SHISA9: variants seen among roughly 807,000 people sequenced by gnomAD.
SHISA9 encodes the protein shisa family member 9, also known as protein shisa-9.
A neutral mutation model predicts 38.0 loss-of-function variants in SHISA9; 13 were observed. The observed-to-expected ratio is 0.34, with a 90% CI of 0.22 to 0.54. SHISA9 has a LOEUF of 0.54. Among genes scored for constraint, SHISA9 ranks in the 20% least tolerant of loss-of-function variants. The probability of loss-of-function intolerance (pLI) is 0.91; values close to 1 mark genes in which losing one functional copy is unlikely to be tolerated. For synonymous variants in SHISA9, 275 were observed against 242.0 expected, an observed-to-expected ratio of 1.14 and a Z score of -1.27; for missense variants, 538 against 575.8, an observed-to-expected ratio of 0.93 and a Z score of 0.67.
At chr16:13,365,564 C>T in the SHISA9 span, among the ~76,000 whole-genome samples, 1 of 146,818 alleles carries the variant, frequency 6.8e-6, no homozygotes, top group East Asian at 2.1e-4. Flanking sequence ...TCAAGCTATT[C>T]TCCTGCCTCA....
At chr16:12,978,013 A>G (rs2072187892) in intron 2 of SHISA9, among the ~76,000 whole-genome samples, 1 of 152,112 alleles carries the variant, frequency 6.6e-6, no homozygotes, top group African/African-American at 2.4e-5. Context: ...AAAAAGAATG[A>G]GAAGTGAAGT....
rs200291008 is a variant in SHISA9 at position 13,035,281 on chromosome 16, G to GTAA, written c.691+118467_691+118469dup. Among the ~76,000 whole-genome samples, 716 of 152,224 alleles carry GTAA rather than the reference G, an allele frequency of 4.7e-3. 2 individuals are homozygous for GTAA. Among genetic ancestry groups the GTAA allele is most frequent in the Non-Finnish European group, 7.1e-3 (486 of 68,026 alleles). On this transcript the variant is annotated intron_variant, in intron 2 of 4. Transcript: ENST00000558583. ...GTTGCACTAGCTCTATTTTTTGTAGGTAACTGTGAGAATGATGGAGATTAA... is the reference window on the plus strand; with the variant it reads ...GTTGCACTAGCTCTATTTTTTGTAGGTAATAACTGTGAGAATGATGGAGATTAA...
the SHISA9 span, among the ~76,000 whole-genome samples, chr16:13,479,981 A>G: frequency 6.6e-6 from 1 of 152,182 alleles, no homozygotes; most frequent in African/African-American, 2.4e-5. Flanking sequence ...TTGGCCACTT[A>G]CTAGCTGCAT....
chr16:12,922,098 T>G (rs1263585319), intron 2 of SHISA9, among the ~76,000 whole-genome samples: 3 of 152,228 alleles, frequency 2.0e-5, no homozygotes, highest in Non-Finnish European at 2.9e-5. Flanking sequence ...ACCACTACAT[T>G]CTATTGCCTT....
At chr16:13,243,320 G>A (rs2051448779), downstream of SHISA9, among the ~76,000 whole-genome samples, 2 of 152,202 alleles carry the variant, frequency 1.3e-5, no homozygotes, top group South Asian at 4.1e-4. Context: ...AAGTCCTGAT[G>A]ACATGTGCCC....
intron 1 of SHISA9, chr16:12,911,397 G>T (rs2071181490): frequency 1.0e-6 from 1 of 985,128 alleles, no homozygotes; most frequent in African/African-American, 1.7e-5. Flanking sequence ...TCTATAAAAT[G>T]TTTTTTTGTA....
intron 2 of SHISA9, among the ~76,000 whole-genome samples, chr16:12,965,489 C>T (rs1225226619): frequency 1.3e-5 from 2 of 152,164 alleles, no homozygotes; most frequent in Non-Finnish European, 2.9e-5. Flanking sequence ...GGCACTCTAC[C>T]AGTTCTGGAG....
chr16:12,935,854 G>A (rs76434425), intron 2 of SHISA9, among the ~76,000 whole-genome samples: 497 of 134,838 alleles, frequency 3.7e-3, no homozygotes, highest in Middle Eastern at 0.019. Context: ...GTCTCAAAAA[G>A]AAAAAAAAAA....
chr16:13,328,119 C>A, the SHISA9 span, among the ~76,000 whole-genome samples: 6 of 152,168 alleles, frequency 3.9e-5, no homozygotes, highest in Admixed American at 3.3e-4. Flanking sequence ...ATTTCCCATT[C>A]CCCCTCCTCT....
rs2071692938 is a variant in SHISA9 at position 12,946,723 on chromosome 16, T to A, written c.691+29908T>A. Among the ~76,000 whole-genome samples the A allele has an allele frequency of 1.3e-5, 2 of 152,238 alleles. 1 individual carries two copies. The highest frequency in any genetic ancestry group is 4.1e-4 in the South Asian group (2 of 4,834). ...AATTTCCTAGAAGAGACATTCTCAA[T>A]AGCCATGGCGGAGAAGGGGGCAGCT... On this transcript the variant is annotated intron_variant, in intron 2 of 4. Transcript: ENST00000558583.
chr16:13,158,473 T>C (rs2050566084), intron 2 of SHISA9, among the ~76,000 whole-genome samples: 1 of 152,174 alleles, frequency 6.6e-6, no homozygotes, highest in Non-Finnish European at 1.5e-5. Flanking sequence ...ACAAAAGCTG[T>C]CCTGGGAGGA....
chr16:12,908,651 A>C, intron 1 of SHISA9: 2 of 1,548,204 alleles, frequency 1.3e-6, no homozygotes, highest in Non-Finnish European at 1.7e-6. Flanking sequence ...CAGACTTCTC[A>C]GATCACAGAG....
chr16:12,954,899 A>G lies in SHISA9; in HGVS notation c.691+38084A>G, dbSNP rs140335388. 1.6e-3 allele frequency among the ~76,000 whole-genome samples: 250 copies of G among 152,280 alleles called. 4 individuals carry two copies. The East Asian group carries it at 0.028, about 17-fold the overall frequency. The stretch of plus-strand genomic sequence containing the variant: ...TGTGTTATTTCCATATCCAGAGGGC[A>G]CAGCATGCATAAATGCATTTATTGG... On this transcript the variant is annotated intron_variant, in intron 2 of 4. Transcript: ENST00000558583.
intron 2 of SHISA9, among the ~76,000 whole-genome samples, chr16:13,122,875 C>T (rs1254161633): frequency 6.6e-6 from 1 of 152,120 alleles, no homozygotes. Context: ...GGCAAAACCT[C>T]ATCCCAACTA....
At chr16:13,292,272 A>G in the SHISA9 span, among the ~76,000 whole-genome samples, 2 of 152,088 alleles carry the variant, frequency 1.3e-5, no homozygotes, top group East Asian at 3.9e-4. Flanking sequence ...TTGCTTTTAA[A>G]CCAGGCCACT....
the SHISA9 span, among the ~76,000 whole-genome samples, chr16:13,444,885 T>G: frequency 6.7e-6 from 1 of 150,096 alleles, no homozygotes; most frequent in South Asian, 2.2e-4. Flanking sequence ...TGGTGCAACC[T>G]CAGCTCACTG....
At chr16:13,458,961 A>C in the SHISA9 span, among the ~76,000 whole-genome samples, 3 of 151,330 alleles carry the variant, frequency 2.0e-5, no homozygotes, top group Non-Finnish European at 2.9e-5. Context: ...TGCGCTTCTC[A>C]GGTTCCAGAG....
At position 12,997,976 on chromosome 16, in the gene SHISA9, T is replaced by C. The variant is rs74012226; in HGVS notation, c.691+81161T>C. Reference sequence around the variant, plus strand: ...ACGGCGTGTAATAGGATAGAATGCATTGTGTTTGATTATGTCTCTTCCTTT... The same window carrying C: ...ACGGCGTGTAATAGGATAGAATGCACTGTGTTTGATTATGTCTCTTCCTTT... On this transcript the variant is annotated intron_variant, in intron 2 of 4. Coordinates refer to ENST00000558583, the MANE Select transcript of SHISA9 (RefSeq NM_001145204.3). Among the ~76,000 whole-genome samples the C allele has an allele frequency of 5.4e-4, 83 of 152,300 alleles. 1 individual carries two copies. The highest frequency in any genetic ancestry group is 1.9e-3 in the African/African-American group (79 of 41,570).
the SHISA9 span, among the ~76,000 whole-genome samples, chr16:13,462,258 C>A: frequency 2.0e-5 from 3 of 151,636 alleles, no homozygotes; most frequent in East Asian, 1.9e-4. Flanking sequence ...AAAAAAAATT[C>A]TTTAAAAATA....
Sources: allele counts gnomAD v4.1 joint callset (sites outside exome capture counted in the v4.1 genomes callset), GRCh38; gene constraint gnomAD v4.1.1; transcripts MANE v1.5; gene names NCBI Gene and HGNC (gene_info 2026-07-23, HGNC 2026-07-21).